The following HRH2 variants were observed in gnomAD, a reference collection of about 807,000 sequenced individuals.
The protein encoded by HRH2 is histamine H2 receptor.
A neutral mutation model predicts 20.1 loss-of-function variants in HRH2; 4 were observed. The ratio of observed to expected loss-of-function variants is 0.20; its 90% CI spans 0.10 to 0.45. HRH2 has a LOEUF of 0.45. HRH2 is among the 20% of genes least tolerant of loss of function. HRH2 has a pLI of 0.99. For missense variants in HRH2, 250 were observed against 461.6 expected (o/e 0.54, Z 4.20); for synonymous variants, 197 against 200.7 (o/e 0.98, Z 0.16).
intron 2 of HRH2, among the ~76,000 whole-genome samples, chr5:175,690,208 G>A (rs143761371): frequency 3.3e-5 from 5 of 152,292 alleles, no homozygotes; most frequent in South Asian, 2.1e-4. Context: ...AGCTGGCCCC[G>A]CCACTCGGGA....
chr5:175,659,606 A>T (rs200208986), intron 1 of HRH2, among the ~76,000 whole-genome samples: 2 of 152,180 alleles, frequency 1.3e-5, no homozygotes, highest in Admixed American at 1.3e-4. Context: ...AATGATTGCC[A>T]TGTGGTCACA....
chr5:175,704,651 C>T (rs1198683684), intron 2 of HRH2, among the ~76,000 whole-genome samples: 1 of 152,076 alleles, frequency 6.6e-6, no homozygotes, highest in Non-Finnish European at 1.5e-5. Context: ...AAAACTATTA[C>T]TATTCACAGC....
chr5:175,690,160 T>C (rs1756317822), intron 2 of HRH2, among the ~76,000 whole-genome samples: 1 of 152,200 alleles, frequency 6.6e-6, no homozygotes, highest in African/African-American at 2.4e-5. Flanking sequence ...GCACTTTGCA[T>C]TACACCCAGG....
chr5:175,682,542 T>C (rs765086923), intron 1 of HRH2, among the ~76,000 whole-genome samples, 167 bp from the exon 2 acceptor site: 11 of 152,114 alleles, frequency 7.2e-5, no homozygotes, highest in South Asian at 2.1e-4. Flanking sequence ...CTCCCCAGTA[T>C]GTATCCTGAT....
chr5:175,673,068 G>A (rs908381051), intron 1 of HRH2, among the ~76,000 whole-genome samples: 6 of 152,202 alleles, frequency 3.9e-5, no homozygotes, highest in African/African-American at 1.4e-4. Flanking sequence ...CCAGTGGTAA[G>A]AGCGTGTAAC....
At chr5:175,662,820 C>A (rs1257527400) in intron 1 of HRH2, among the ~76,000 whole-genome samples, 1 of 152,200 alleles carries the variant, frequency 6.6e-6, no homozygotes, top group Non-Finnish European at 1.5e-5. Context: ...TTAGCACTCA[C>A]CCTCTATCCA....
At chr5:175,666,316 G>A (rs1762892268) in intron 1 of HRH2, among the ~76,000 whole-genome samples, 1 of 152,224 alleles carries the variant, frequency 6.6e-6, no homozygotes, top group Admixed American at 6.5e-5. Context: ...TGGGCTCTCT[G>A]GAAGCCCTGC....
chr5:175,710,206 C>T lies in HRH2; in HGVS notation c.*2235C>T, dbSNP rs891765055. ...ACCAGGCTGTGGGTCCTGTCTGTTT[C>T]TGGTGACCGTTGTCTGTCTAACCCC... On this transcript the variant is annotated 3_prime_UTR_variant, in exon 3 of 3. Transcript: ENST00000636584. The T allele has an allele frequency of 3.9e-5, 6 of 152,450 alleles. No individual in the cohort carries two copies. The highest frequency in any genetic ancestry group is 1.3e-4 in the Admixed American group (2 of 15,286). The allele number at this position is 152,450 out of a possible 1,614,324, so 9.4% of individuals were successfully genotyped here.
intron 2 of HRH2, among the ~76,000 whole-genome samples, chr5:175,698,313 C>T (rs1361736366): frequency 6.6e-6 from 1 of 152,164 alleles, no homozygotes; most frequent in African/African-American, 2.4e-5. Context: ...ATTTAGTCTG[C>T]CCCACAGGAA....
chr5:175,674,543 G>A (rs540669661), intron 1 of HRH2, among the ~76,000 whole-genome samples: 1 of 152,136 alleles, frequency 6.6e-6, no homozygotes, highest in South Asian at 2.1e-4. Flanking sequence ...CACACGTCTC[G>A]GGGGTAGTGA....
chr5:175,704,411 GA>G (rs533879994), intron 2 of HRH2, among the ~76,000 whole-genome samples: 11 of 150,160 alleles, frequency 7.3e-5, no homozygotes, highest in African/African-American at 1.2e-4. Context: ...AATCGAAGCA[GA>G]AAAAAAAACA....
At chr5:175,703,649 G>A (rs1756858203) in intron 2 of HRH2, among the ~76,000 whole-genome samples, 1 of 152,118 alleles carries the variant, frequency 6.6e-6, no homozygotes, top group African/African-American at 2.4e-5. Context: ...ACTTTAAAGA[G>A]TTCTGGCAAA....
chr5:175,674,143 T>G (rs1755672139), intron 1 of HRH2, among the ~76,000 whole-genome samples: 1 of 152,242 alleles, frequency 6.6e-6, no homozygotes, highest in South Asian at 2.1e-4. Context: ...GGTGTGAGTC[T>G]CTCACTGATA....
chr5:175,700,812 C>T (rs559957622), intron 2 of HRH2, among the ~76,000 whole-genome samples: 22 of 152,212 alleles, frequency 1.4e-4, no homozygotes, highest in Non-Finnish European at 2.8e-4. Flanking sequence ...TGCTTGAACC[C>T]GGGAGGCGAA....
chr5:175,670,219 G>A (rs1164755683), intron 1 of HRH2, among the ~76,000 whole-genome samples: 1 of 152,174 alleles, frequency 6.6e-6, no homozygotes, highest in Non-Finnish European at 1.5e-5. Flanking sequence ...GATCTCTTGA[G>A]CCCAGCAGTC....
chr5:175,658,868 A>G (rs944707582), intron 1 of HRH2, among the ~76,000 whole-genome samples: 2 of 152,160 alleles, frequency 1.3e-5, no homozygotes, highest in Admixed American at 1.3e-4. Context: ...TGAGAGCCTC[A>G]GTTTCCTCCT....
intron 1 of HRH2, among the ~76,000 whole-genome samples, chr5:175,672,904 G>A (rs1168952907): frequency 2.6e-5 from 4 of 152,224 alleles, no homozygotes; most frequent in African/African-American, 4.8e-5. Flanking sequence ...TCATCAGCAG[G>A]TCACAGACCA....
At chr5:175,694,466 C>T (rs565449762) in intron 2 of HRH2, among the ~76,000 whole-genome samples, 2 of 152,242 alleles carry the variant, frequency 1.3e-5, no homozygotes, top group Admixed American at 1.3e-4. Context: ...CTGGGCTCTC[C>T]CTGGCCCTAT....
rs146483927 is a variant in HRH2, at chr5:175,708,676, G to C, written c.*705G>C. ...AATGAGAGAACGGGTGAAAAGCCAG[G>C]CCTCAAGCCCACACTACTGACACTG... On this transcript the variant is annotated 3_prime_UTR_variant, in exon 3 of 3. Coordinates refer to ENST00000636584, the MANE Select transcript of HRH2 (RefSeq NM_001367711.1). The C allele has an allele frequency of 6.6e-6, 1 of 152,386 alleles. No individual in the cohort carries two copies. The highest frequency in any genetic ancestry group is 2.1e-4 in the South Asian group (1 of 4,816). The allele number at this position is 152,386 out of a possible 1,614,324, so 9.4% of individuals were successfully genotyped here.
Sources: gnomAD v4.1 joint callset for allele counts (sites outside exome capture counted in the v4.1 genomes callset) on GRCh38, gnomAD v4.1.1 for gene constraint, MANE v1.5 for transcripts, NCBI Gene and HGNC (gene_info 2026-07-23, HGNC 2026-07-21) for gene names.